The following SCD variants were observed in gnomAD, a reference collection of about 807,000 sequenced individuals.
The protein encoded by SCD is stearoyl-CoA desaturase.
SCD carries 4 observed loss-of-function variants against 35.7 expected under a neutral mutation model. That is an observed-to-expected ratio of 0.11 (90% CI 0.06 to 0.26). SCD has a LOEUF of 0.26. SCD is among the 10% of genes least tolerant of loss of function. The pLI, the probability that SCD is intolerant of heterozygous loss-of-function variation, is 1.00. For synonymous variants in SCD, 150 were observed against 170.2 expected (o/e 0.88, Z 0.92); for missense variants, 282 against 460.7 (o/e 0.61, Z 3.55).
intron 3 of SCD, among the ~76,000 whole-genome samples, chr10:100,353,556 G>A (rs1338215779): frequency 7.1e-6 from 1 of 141,738 alleles, no homozygotes; most frequent in East Asian, 2.0e-4. Flanking sequence ...CTGCACTCCA[G>A]CCTGGGCAAC....
At chr10:100,358,465 G>A (rs1013228567) in intron 5 of SCD, among the ~76,000 whole-genome samples, 1 of 151,638 alleles carries the variant, frequency 6.6e-6, no homozygotes, top group African/African-American at 2.4e-5. Context: ...AGTGGCGGGC[G>A]CCTGTAGTCC....
At chr10:100,358,223 A>T (rs1849949319) in intron 5 of SCD, among the ~76,000 whole-genome samples, 1 of 151,982 alleles carries the variant, frequency 6.6e-6, no homozygotes, top group Admixed American at 6.6e-5. Flanking sequence ...CTGGTCTCGA[A>T]CTCCTGAGCT....
rs144793526 is a variant in SCD at position 100,356,540 on chromosome 10, A to G, written c.656A>G (p.Lys219Arg). Residue 219 changes from lysine (K) to arginine (R), a missense_variant, in exon 5 of 6, where the codon AAA becomes AGA. This residue lies in a region of SCD where 205 missense variants were observed against 372.3 expected (regional missense o/e 0.55). Coordinates refer to ENST00000370355, the MANE Select transcript of SCD (RefSeq NM_005063.5). The surrounding 1 kb of genome is among the most constrained non-coding windows in gnomAD (Gnocchi z 4.1). ...CTGGTCTGTCAATGTAGGTACTACAAACCTGGCTTGCTGATGATGTGCTTC... is the reference window on the plus strand; with the variant it reads ...CTGGTCTGTCAATGTAGGTACTACAGACCTGGCTTGCTGATGATGTGCTTC... ...KLVMFQRRYYKPGLLMMCFIL... is the reference protein window; with the variant it reads ...KLVMFQRRYYRPGLLMMCFIL... The G allele has an allele frequency of 6.2e-7, 1 of 1,613,836 alleles. No individual in the cohort carries two copies. The highest frequency in any genetic ancestry group is 8.5e-7 in the Non-Finnish European group (1 of 1,179,838).
Position 100,352,269 on chromosome 10 carries a change from C to T in SCD, c.311-97C>T, listed in dbSNP as rs530558966. The T allele has an allele frequency of 1.9e-5, 24 of 1,293,542 alleles. No individual in the cohort carries two copies. Among genetic ancestry groups the T allele is most frequent in the East Asian group, 1.6e-4 (7 of 42,434 alleles). The allele number at this position is 1,293,542 out of a possible 1,614,324, so 80.1% of individuals were successfully genotyped here. On this transcript the variant is annotated intron_variant, in intron 2 of 5. Transcript: ENST00000370355. This position sits in a 1 kb window ranked among gnomAD's most constrained non-coding sequence, Gnocchi z 4.2. ...AAGCCAGTTCTCACCCAAAGCCTGACGAAGACAGTTTCTAGCATCCAGAGA... is the reference window on the plus strand; with the variant it reads ...AAGCCAGTTCTCACCCAAAGCCTGATGAAGACAGTTTCTAGCATCCAGAGA...
chr10:100,359,783 T>G (rs967604593), intron 5 of SCD, among the ~76,000 whole-genome samples: 2 of 152,216 alleles, frequency 1.3e-5, no homozygotes, highest in East Asian at 3.9e-4. Context: ...CATGCCTGAT[T>G]AGGGTCAGTA....
rs1849984028 is a variant in SCD, at chr10:100,360,916, A to G, written c.1063A>G (p.Asn355Asp). 2 of 1,613,898 alleles carry G rather than the reference A, an allele frequency of 1.2e-6. No homozygotes were observed. The highest frequency in any genetic ancestry group is 1.7e-6 in the Non-Finnish European group (2 of 1,179,880). Residue 355 changes from asparagine (N) to aspartate (D), a missense_variant, in exon 6 of 6, where the codon AAC becomes GAC. This residue lies in a region of SCD where 205 missense variants were observed against 372.3 expected (regional missense o/e 0.55). Transcript: ENST00000370355. ...CAGGATTAAAAGAACCGGAGATGGA[A>G]ACTACAAGAGTGGCTGAGTTTGGGG... The part of the protein sequence containing the change: ...LARIKRTGDG[N>D]YKSG
At chr10:100,349,831 A>G (rs1849852758) in intron 2 of SCD, among the ~76,000 whole-genome samples, 2 of 152,120 alleles carry the variant, frequency 1.3e-5, no homozygotes, top group African/African-American at 2.4e-5. Flanking sequence ...CTTCAGTTGC[A>G]GCTGAGGGAT....
In SCD at chr10:100,361,997, G is replaced by C. The variant is rs1036295148; in HGVS notation, c.*1064G>C. 6.6e-6 allele frequency: 1 copy of C among 152,104 alleles called. No individual in the cohort carries two copies. The highest frequency in any genetic ancestry group is 1.5e-5 in the Non-Finnish European group (1 of 68,032). The allele number at this position is 152,104 out of a possible 1,614,324, so 9.4% of individuals were successfully genotyped here. ...GGGAAGGATTTAAGGAGGTGAAGTC[G>C]GGTCAAAAATAAAATATATATACAT... On this transcript the variant is annotated 3_prime_UTR_variant, in exon 6 of 6. Transcript: ENST00000370355.
intron 5 of SCD, among the ~76,000 whole-genome samples, chr10:100,358,584 G>A (rs1849954587): frequency 7.3e-6 from 1 of 136,636 alleles, no homozygotes; most frequent in African/African-American, 2.7e-5. Flanking sequence ...GGGCGACAGA[G>A]CGAGACTCCG....
chr10:100,347,533 T>A lies in SCD; in HGVS notation c.27+2T>A, dbSNP rs771876600. 1.2e-6 allele frequency: 2 copies of A among 1,613,716 alleles called. No individual in the cohort carries two copies. Among genetic ancestry groups the A allele is most frequent in the African/African-American group, 2.7e-5 (2 of 74,882 alleles). ...CCGGCCCACTTGCTGCAGGACGATG[T>A]GAGTTTCCCAGCCTGGCCCCGTACC... is the stretch of plus-strand genomic sequence containing the variant. On this transcript the variant is annotated splice_donor_variant, in intron 1 of 5. Transcript: ENST00000370355. LOFTEE classifies it high-confidence loss of function.
chr10:100,356,517 G>A lies in SCD; in HGVS notation c.648-15G>A. On this transcript the variant is annotated splice_polypyrimidine_tract_variant and intron_variant, in intron 4 of 5. Transcript: ENST00000370355. This position sits in a 1 kb window ranked among gnomAD's most constrained non-coding sequence, Gnocchi z 4.1. ...GTCCCCCTCCATTGACCTGGTGTCT[G>A]GTCTGTCAATGTAGGTACTACAAAC... The A allele has an allele frequency of 6.3e-7, 1 of 1,597,374 alleles. No homozygotes were observed.
chr10:100,354,849 C>T (rs963548468), intron 4 of SCD, among the ~76,000 whole-genome samples: 2 of 152,196 alleles, frequency 1.3e-5, no homozygotes, highest in Admixed American at 1.3e-4. Flanking sequence ...TAATTAAACC[C>T]ATTACATTCA....
rs773235711 is a variant in SCD, at chr10:100,356,792, A to G, written c.880+28A>G. 1.9e-6 allele frequency: 3 copies of G among 1,548,164 alleles called. 1 individual carries two copies. The African/African-American group carries it at 4.1e-5, about 21-fold the overall frequency. ...AAGTCAGCTGTCCAAGTAAGACTAC[A>G]TCCAGTGGTCTGCTGATTAGGGGAT... On this transcript the variant is annotated intron_variant, in intron 5 of 5. Transcript: ENST00000370355. This position sits in a 1 kb window ranked among gnomAD's most constrained non-coding sequence, Gnocchi z 4.1.
chr10:100,356,515 C>T lies in SCD; in HGVS notation c.648-17C>T. 6.3e-7 allele frequency: 1 copy of T among 1,593,792 alleles called. No homozygotes were observed. The highest frequency in any genetic ancestry group is 8.6e-7 in the Non-Finnish European group (1 of 1,161,462). ...GAGTCCCCCTCCATTGACCTGGTGT[C>T]TGGTCTGTCAATGTAGGTACTACAA... is the stretch of plus-strand genomic sequence containing the variant. On this transcript the variant is annotated splice_polypyrimidine_tract_variant and intron_variant, in intron 4 of 5. Transcript: ENST00000370355. The surrounding 1 kb of genome is among the most constrained non-coding windows in gnomAD (Gnocchi z 4.1).
In SCD at chr10:100,356,722, A is replaced by G; in HGVS notation, c.838A>G (p.Ile280Val). 6.2e-7 allele frequency: 1 copy of G among 1,614,282 alleles called. No individual in the cohort carries two copies. Among genetic ancestry groups the G allele is most frequent in the Non-Finnish European group, 8.5e-7 (1 of 1,180,052 alleles). ...LFGYRPYDKN[I>V]SPRENILVSL... ...CGGATATCGTCCTTATGACAAGAAC[A>G]TTAGCCCCCGGGAGAATATCCTGGT... Residue 280 changes from isoleucine to valine, a missense_variant, in exon 5 of 6, where the codon ATT becomes GTT. Physicochemically the swap from Ile to Val is conservative, Grantham distance 29. Coordinates refer to ENST00000370355, the MANE Select transcript of SCD (RefSeq NM_005063.5). The surrounding 1 kb of genome is among the most constrained non-coding windows in gnomAD (Gnocchi z 4.1).
At chr10:100,348,448 G>C (rs915412046) in intron 2 of SCD, 102 bp downstream of exon 2, 6 of 1,236,926 alleles carry the variant, frequency 4.9e-6, no homozygotes, top group Non-Finnish European at 5.6e-6. Flanking sequence ...CCAGCCTCCC[G>C]GTTGGGGTTT....
At position 100,356,456 on chromosome 10, in the gene SCD, C is replaced by A. The variant is rs201428483; in HGVS notation, c.648-76C>A. The A allele has an allele frequency of 2.4e-5, 9 of 375,698 alleles. No individual in the cohort carries two copies. The highest frequency in any genetic ancestry group is 6.4e-5 in the East Asian group (1 of 15,692). 23.3% of individuals were successfully genotyped at this position (375,698 alleles called of 1,614,324 possible). On this transcript the variant is annotated intron_variant, in intron 4 of 5. Transcript: ENST00000370355. The surrounding 1 kb of genome is among the most constrained non-coding windows in gnomAD (Gnocchi z 4.1). ...ACATGGAAGAAAGACAGCCCATCCC[C>A]TCCCAATTAGTGTGGAAGATCCATG... is the stretch of plus-strand genomic sequence containing the variant.
At chr10:100,347,599 T>G in intron 1 of SCD, 68 bp downstream of exon 1, 2 of 1,588,836 alleles carry the variant, frequency 1.3e-6, no homozygotes, top group Non-Finnish European at 1.7e-6. Flanking sequence ...GGGGACGGGT[T>G]GGTGGCAGAA....
At position 100,361,450 on chromosome 10, in the gene SCD, A is replaced by C. The variant is rs199887991; in HGVS notation, c.*517A>C. 6.3e-6 allele frequency: 1 copy of C among 157,618 alleles called. No individual in the cohort carries two copies. The highest frequency in any genetic ancestry group is 1.4e-5 in the Non-Finnish European group (1 of 71,134). 9.8% of individuals were successfully genotyped at this position (157,618 alleles called of 1,614,324 possible). ...ATGGAAAAGCAACTTCATTTGACAC[A>C]AAGCTTCTAAAGCAGGTAAATTGTC... On this transcript the variant is annotated 3_prime_UTR_variant, in exon 6 of 6. Coordinates refer to ENST00000370355, the MANE Select transcript of SCD (RefSeq NM_005063.5).
Sources: gnomAD v4.1 joint callset for allele counts (sites outside exome capture counted in the v4.1 genomes callset) on GRCh38, gnomAD v4.1.1 for gene constraint, gnomAD v4.1.1 regional missense constraint, Gnocchi (gnomAD v3.1) non-coding constraint, MANE v1.5 for transcripts, NCBI Gene and HGNC (gene_info 2026-07-23, HGNC 2026-07-21) for gene names.